Variants in ZNF704 observed in about 807,000 individuals in gnomAD.
ZNF704 encodes the protein zinc finger protein 704, also known as glucocorticoid induced gene 1.
In ZNF704, 10 loss-of-function variants were observed where a neutral mutation model predicts 44.7. The ratio of observed to expected loss-of-function variants is 0.22; its 90% CI spans 0.14 to 0.38. The LOEUF is 0.38. Among genes scored for constraint, ZNF704 ranks in the 10% least tolerant of loss-of-function variants. The pLI, the probability that ZNF704 is intolerant of heterozygous loss-of-function variation, is 1.00. For synonymous variants in ZNF704, 211 were observed against 207.6 expected (o/e 1.02, Z -0.14); for missense variants, 390 against 545.5 (o/e 0.71, Z 2.84).
intron 1 of ZNF704, among the ~76,000 whole-genome samples, chr8:80,865,899 TA>T (rs1809147227): frequency 6.6e-6 from 1 of 152,174 alleles, no homozygotes; most frequent in Non-Finnish European, 1.5e-5. Context: ...TTGAAAACTC[TA>T]GAGTCAAGCT....
At chr8:80,754,383 T>C (rs563330813) in intron 2 of ZNF704, among the ~76,000 whole-genome samples, 1 of 152,282 alleles carries the variant, frequency 6.6e-6, no homozygotes, top group South Asian at 2.1e-4. Context: ...TATCTGCAGC[T>C]TTGCAGCCAT....
intron 2 of ZNF704, among the ~76,000 whole-genome samples, chr8:80,734,581 G>C (rs1279895552): frequency 5.9e-5 from 9 of 152,080 alleles, no homozygotes; most frequent in Admixed American, 3.9e-4. Context: ...CACTTTAAAA[G>C]GAATATTTTA....
rs989002717 is a variant in ZNF704, at chr8:80,639,894, GC to G, written c.*1471del. 2 of 152,534 alleles carry G rather than the reference GC, an allele frequency of 1.3e-5. No individual in the cohort carries two copies. Among genetic ancestry groups the G allele is most frequent in the Admixed American group, 1.3e-4 (2 of 15,276 alleles). 9.4% of individuals were successfully genotyped at this position (152,534 alleles called of 1,614,324 possible). On this transcript the variant is annotated 3_prime_UTR_variant, in exon 9 of 9. Transcript: ENST00000327835. ...TCCTATAAGGTGCTCTTCCTACTTT[GC>G]ATAGGTATAGGAGAAATAACTCTTT...
At chr8:80,648,506 C>T (rs755731588) in intron 7 of ZNF704, among the ~76,000 whole-genome samples, 9 of 152,276 alleles carry the variant, frequency 5.9e-5, no homozygotes, top group Non-Finnish European at 1.2e-4. Context: ...ACCATTTATT[C>T]AGTGCTTGCG....
chr8:80,644,821 T>A, intron 7 of ZNF704: 1 of 656,308 alleles, frequency 1.5e-6, no homozygotes. Flanking sequence ...ATTGAACATC[T>A]TTTAAATATC....
At chr8:80,789,226 TA>T (rs1217368941) in intron 2 of ZNF704, among the ~76,000 whole-genome samples, 2 of 152,078 alleles carry the variant, frequency 1.3e-5, no homozygotes, top group Non-Finnish European at 2.9e-5. Context: ...AGGAAATGAT[TA>T]AAAACAGGTA....
intron 1 of ZNF704, among the ~76,000 whole-genome samples, chr8:80,868,040 C>A: frequency 6.6e-6 from 1 of 152,178 alleles, no homozygotes; most frequent in African/African-American, 2.4e-5. Context: ...TTGCAGAGCA[C>A]AGCCCTGTGC....
intron 1 of ZNF704, among the ~76,000 whole-genome samples, chr8:80,865,411 T>C (rs1809137998): frequency 6.6e-6 from 1 of 152,142 alleles, no homozygotes; most frequent in Admixed American, 6.6e-5. Context: ...TACAGAGAAG[T>C]AACAGTTGGG....
intron 2 of ZNF704, among the ~76,000 whole-genome samples, chr8:80,746,564 T>C (rs1202480723): frequency 6.6e-6 from 1 of 152,198 alleles, no homozygotes; most frequent in Non-Finnish European, 1.5e-5. Context: ...CCTCCAACAG[T>C]TCAAGTAAAT....
At chr8:80,657,762 T>C (rs1431088545) in intron 7 of ZNF704, among the ~76,000 whole-genome samples, 1 of 152,100 alleles carries the variant, frequency 6.6e-6, no homozygotes, top group Admixed American at 6.5e-5. Context: ...ATGGTATGTT[T>C]TATATATCAT....
At chr8:80,744,817 G>A (rs573867516) in intron 2 of ZNF704, among the ~76,000 whole-genome samples, 4 of 152,294 alleles carry the variant, frequency 2.6e-5, no homozygotes, top group African/African-American at 9.6e-5. Context: ...AGCTAATTAT[G>A]TGGTTTAAAC....
chr8:80,808,534 G>A (rs998978729), intron 2 of ZNF704, among the ~76,000 whole-genome samples: 1 of 152,122 alleles, frequency 6.6e-6, no homozygotes. Flanking sequence ...TTGTTAGTCC[G>A]GAAAAATAAA....
upstream of ZNF704, among the ~76,000 whole-genome samples, chr8:80,878,049 C>T (rs1219677468): frequency 2.0e-5 from 3 of 152,094 alleles, no homozygotes; most frequent in African/African-American, 4.8e-5. Context: ...CCCTACTGTC[C>T]GCGTGCTTTG....
intron 2 of ZNF704, among the ~76,000 whole-genome samples, chr8:80,789,453 T>A (rs1355975025): frequency 6.6e-6 from 1 of 152,124 alleles, no homozygotes; most frequent in African/African-American, 2.4e-5. Flanking sequence ...ACAAAGAGCA[T>A]AACTAAAAAT....
At chr8:80,788,074 A>G (rs1281623241) in intron 2 of ZNF704, among the ~76,000 whole-genome samples, 1 of 152,226 alleles carries the variant, frequency 6.6e-6, no homozygotes, top group African/African-American at 2.4e-5. Flanking sequence ...TATTTTTATT[A>G]ATAAAATTCC....
intron 2 of ZNF704, among the ~76,000 whole-genome samples, chr8:80,820,757 C>T (rs1808256145): frequency 6.6e-6 from 1 of 152,088 alleles, no homozygotes; most frequent in African/African-American, 2.4e-5. Flanking sequence ...AAATAATTAG[C>T]TGGGCATGGC....
rs73693833 is a variant in ZNF704 at position 80,706,192 on chromosome 8, G to A, written c.222-13085C>T. 3.7e-4 allele frequency among the ~76,000 whole-genome samples: 56 copies of A among 152,280 alleles called. 1 individual carries two copies. Among genetic ancestry groups the A allele is most frequent in the African/African-American group, 1.3e-3 (56 of 41,558 alleles). On this transcript the variant is annotated intron_variant, in intron 2 of 8. Coordinates refer to ENST00000327835, the MANE Select transcript of ZNF704 (RefSeq NM_001033723.3). The stretch of plus-strand genomic sequence containing the variant: ...TACTGATGGGGTTAAGTATGTTATT[G>A]CTTGGAGCCTCAAATCCACTTAAGC...
At chr8:80,690,659 C>T (rs1045096735) in intron 3 of ZNF704, among the ~76,000 whole-genome samples, 1 of 152,204 alleles carries the variant, frequency 6.6e-6, no homozygotes, top group African/African-American at 2.4e-5. Context: ...GCAGTCAGGT[C>T]ACTGAATGGG....
chr8:80,702,446 T>C (rs1818824937), intron 2 of ZNF704, among the ~76,000 whole-genome samples: 2 of 152,156 alleles, frequency 1.3e-5, no homozygotes, highest in South Asian at 4.2e-4. Context: ...AGAGGGGGTC[T>C]GATGGCTGTG....
Sources: allele counts gnomAD v4.1 joint callset (sites outside exome capture counted in the v4.1 genomes callset), GRCh38; gene constraint gnomAD v4.1.1; transcripts MANE v1.5; gene names NCBI Gene and HGNC (gene_info 2026-07-23, HGNC 2026-07-21).